DMD: variants seen among roughly 807,000 people sequenced by gnomAD.
DMD encodes the protein dystrophin, also known as mutant dystrophin.
A neutral mutation model predicts 330.1 loss-of-function variants in DMD; 63 were observed. The ratio of observed to expected loss-of-function variants is 0.19; its 90% CI spans 0.16 to 0.24. The LOEUF is 0.24. Ranked by LOEUF, DMD falls within the 10% of genes least tolerant of loss-of-function variation. The pLI is 1.00. For synonymous variants in DMD, 1,223 were observed against 959.8 expected (o/e 1.27, Z -5.07); for missense variants, 3,344 against 2,684.1 (o/e 1.25, Z -5.43).
Position 31,949,575 on chromosome X carries a change from C to T in DMD, c.6615-17348G>A, listed in dbSNP as rs761128503. 1.9e-4 allele frequency among the ~76,000 whole-genome samples: 21 copies of T among 111,210 alleles called. No homozygotes were observed. The South Asian group carries it at 6.4e-3, about 34-fold the overall frequency. On this transcript the variant is annotated intron_variant, in intron 45 of 78. Coordinates refer to ENST00000357033, the MANE Select transcript of DMD (RefSeq NM_004006.3). ...TTTTCTACATACAGGATTGTATTGT[C>T]TGTGAATAAAGAGAGTTTCATTTCT...
In DMD at chrX:32,565,581, A is replaced by G. The variant is rs1315144290; in HGVS notation, c.1992+121T>C. On this transcript the variant is annotated intron_variant, in intron 16 of 78. Coordinates refer to ENST00000357033, the MANE Select transcript of DMD (RefSeq NM_004006.3). ...GGCAAAAGAATCATGTTTTTATTTA[A>G]CTAAACACAGGGCAAAAACTAATCT... is the stretch of plus-strand genomic sequence containing the variant. The G allele has an allele frequency of 4.4e-5, 31 of 706,536 alleles. No homozygotes were observed. In the Admixed American group the frequency reaches 6.4e-4, roughly 14 times the overall value. 58.2% of individuals were successfully genotyped at this position (706,536 alleles called of 1,213,427 possible).
In DMD at chrX:31,875,179, G is replaced by A. The variant is rs371632583; in HGVS notation, c.7098+9C>T. On this transcript the variant is annotated intron_variant, in intron 48 of 78. Transcript: ENST00000357033. ...AAGACAAAAATATTTAAAGCAAAAA[G>A]TTCCCTACCTTAACGTCAAATGGTC... 2 of 1,195,797 alleles carry A rather than the reference G, an allele frequency of 1.7e-6. No homozygotes were observed. The highest frequency in any genetic ancestry group is 3.5e-5 in the African/African-American group (2 of 56,746).
chrX:32,585,986 C>T (rs1048743138), intron 13 of DMD, among the ~76,000 whole-genome samples: 2 of 110,320 alleles, frequency 1.8e-5, no homozygotes, highest in Non-Finnish European at 3.8e-5. Context: ...TGAAATCTAG[C>T]GTTAACTGTA....
At chrX:31,331,506 T>G (rs1375281914) in intron 61 of DMD, among the ~76,000 whole-genome samples, 4 of 111,633 alleles carry the variant, frequency 3.6e-5, no homozygotes, top group Non-Finnish European at 7.5e-5. Context: ...CGGTGATTAT[T>G]AGAAGAGTAA....
chrX:32,034,544 T>G (rs2095924063), intron 44 of DMD, among the ~76,000 whole-genome samples: 1 of 111,570 alleles, frequency 9.0e-6, no homozygotes, highest in Non-Finnish European at 1.9e-5. Context: ...TTCATGTTCT[T>G]GAGATTATTT....
At chrX:32,435,604 A>T (rs1006225765) in intron 29 of DMD, among the ~76,000 whole-genome samples, 12 of 110,543 alleles carry the variant, frequency 1.1e-4, no homozygotes, top group African/African-American at 3.6e-4. Flanking sequence ...TGTTTTTGAC[A>T]CGGGAACATT....
At chrX:31,578,374 G>A (rs5927019) in intron 55 of DMD, among the ~76,000 whole-genome samples, 1 of 110,897 alleles carries the variant, frequency 9.0e-6, no homozygotes, top group South Asian at 3.7e-4. Context: ...TATTTTCTTG[G>A]TCTTTCCACT....
chrX:33,019,509 C>T (rs1017756157), intron 2 of DMD, among the ~76,000 whole-genome samples: 9 of 111,047 alleles, frequency 8.1e-5, no homozygotes, highest in African/African-American at 2.9e-4. Context: ...CCCAATAAAC[C>T]TCCATATATT....
intron 7 of DMD, among the ~76,000 whole-genome samples, chrX:32,701,348 TTTAA>T (rs1487487119): frequency 2.7e-5 from 3 of 112,172 alleles, no homozygotes; most frequent in Admixed American, 1.9e-4. Context: ...CTTATTACAC[TTTAA>T]TTATTAATCA....
intron 45 of DMD, among the ~76,000 whole-genome samples, chrX:31,946,885 A>G: frequency 9.1e-6 from 1 of 110,435 alleles, no homozygotes; most frequent in Non-Finnish European, 1.9e-5. Flanking sequence ...CTGAATTAAT[A>G]GTTGCTAAGA....
rs751680631 is a variant in DMD, at chrX:31,129,874, C to G, written c.11015-3201G>C. ...AGAATAAGATTTTAATTTTAAAAGA[C>G]GGTAGGTTTTACAAAGCTGTTGGGT... On this transcript the variant is annotated intron_variant, in intron 77 of 78. Transcript: ENST00000357033. Among the ~76,000 whole-genome samples the G allele has an allele frequency of 2.7e-5, 3 of 111,566 alleles. No homozygotes were observed. In the Admixed American group the frequency reaches 2.9e-4, roughly 11 times the overall value.
At chrX:32,725,701 G>A (rs778576022) in intron 7 of DMD, among the ~76,000 whole-genome samples, 2 of 111,217 alleles carry the variant, frequency 1.8e-5, no homozygotes, top group Non-Finnish European at 3.8e-5. Flanking sequence ...AGGGTACTAG[G>A]GGGTGGAGGT....
At chrX:33,099,442 C>T (rs1429474639) in intron 1 of DMD, among the ~76,000 whole-genome samples, 1 of 111,041 alleles carries the variant, frequency 9.0e-6, no homozygotes, top group Non-Finnish European at 1.9e-5. Flanking sequence ...CTACCCACAA[C>T]TTTGAATATT....
intron 55 of DMD, among the ~76,000 whole-genome samples, chrX:31,601,576 T>C (rs2077370176): frequency 8.9e-6 from 1 of 111,773 alleles, no homozygotes; most frequent in Non-Finnish European, 1.9e-5. Context: ...GGGGCTGAGC[T>C]ACATTACAAA....
chrX:31,815,833 C>T (rs2092610398), intron 50 of DMD, among the ~76,000 whole-genome samples: 1 of 111,589 alleles, frequency 9.0e-6, no homozygotes, highest in East Asian at 2.8e-4. Flanking sequence ...AAAGCCTAGG[C>T]ATCAGAAGGT....
intron 44 of DMD, among the ~76,000 whole-genome samples, chrX:32,116,797 C>A (rs983446271): frequency 8.9e-6 from 1 of 112,087 alleles, no homozygotes; most frequent in South Asian, 3.7e-4. Flanking sequence ...CATTACCTTT[C>A]ATTAGTTTCT....
chrX:32,327,582 CTT>C (rs1041601496), intron 41 of DMD, among the ~76,000 whole-genome samples: 1 of 111,472 alleles, frequency 9.0e-6, no homozygotes, highest in African/African-American at 3.3e-5. Flanking sequence ...ACGCTCAATT[CTT>C]TTTTAAAAGT....
At chrX:32,919,114 T>C (rs1465838887) in intron 2 of DMD, among the ~76,000 whole-genome samples, 2 of 111,666 alleles carry the variant, frequency 1.8e-5, no homozygotes, top group Admixed American at 9.6e-5. Context: ...ATAGAGAACC[T>C]TGTAGGCCAG....
At chrX:32,731,168 C>T (rs1007939657) in intron 7 of DMD, among the ~76,000 whole-genome samples, 10 of 112,040 alleles carry the variant, frequency 8.9e-5, no homozygotes, top group East Asian at 2.8e-4. Context: ...CCTGGAAAAT[C>T]GGGTCACACC....
Sources: allele counts gnomAD v4.1 joint callset (sites outside exome capture counted in the v4.1 genomes callset), GRCh38; gene constraint gnomAD v4.1.1; transcripts MANE v1.5; gene names NCBI Gene and HGNC (gene_info 2026-07-23, HGNC 2026-07-21).